SNTG2: variants seen among roughly 807,000 people sequenced by gnomAD.
The protein encoded by SNTG2 is syntrophin gamma 2.
In SNTG2, 74 loss-of-function variants were observed where a neutral mutation model predicts 70.9. That is an observed-to-expected ratio of 1.04 (90% CI 0.86 to 1.27). The LOEUF (loss-of-function observed/expected upper bound fraction) is 1.27. SNTG2 is among the 50% of genes most tolerant of loss of function. SNTG2 has a pLI of 0.00. For missense variants in SNTG2, 717 were observed against 690.7 expected, an observed-to-expected ratio of 1.04 and a Z score of -0.43; for synonymous variants, 278 against 273.8, an observed-to-expected ratio of 1.02 and a Z score of -0.15.
intron 1 of SNTG2, among the ~76,000 whole-genome samples, chr2:1,061,849 A>G (rs1417289829): frequency 6.6e-6 from 1 of 152,192 alleles, no homozygotes; most frequent in Non-Finnish European, 1.5e-5. Flanking sequence ...GGAATGGAGC[A>G]ATATAAAAAT....
chr2:1,233,093 G>T (rs371448963), intron 9 of SNTG2, among the ~76,000 whole-genome samples: 59 of 152,328 alleles, frequency 3.9e-4, no homozygotes, highest in African/African-American at 1.4e-3. Flanking sequence ...AATTTTGTAC[G>T]TTCCAATGTA....
chr2:1,288,625 G>T (rs1679864907), intron 14 of SNTG2, among the ~76,000 whole-genome samples: 1 of 149,474 alleles, frequency 6.7e-6, no homozygotes, highest in Non-Finnish European at 1.5e-5. Context: ...ACATACACAT[G>T]GGCACAGCAC....
intron 16 of SNTG2, among the ~76,000 whole-genome samples, chr2:1,356,459 T>C (rs1660858357): frequency 6.6e-6 from 1 of 152,238 alleles, no homozygotes; most frequent in Non-Finnish European, 1.5e-5. Flanking sequence ...CCCCACTGTA[T>C]AGCGTTAGCC....
intron 1 of SNTG2, among the ~76,000 whole-genome samples, chr2:1,025,441 T>A: frequency 6.6e-6 from 1 of 152,152 alleles, no homozygotes; most frequent in East Asian, 1.9e-4. Flanking sequence ...GGCTGCTGTT[T>A]TTTACTGCAG....
chr2:1,262,670 C>CCAGACGAGGCAACCCGAAGGCTCCGTG, intron 13 of SNTG2, among the ~76,000 whole-genome samples: 1 of 139,858 alleles, frequency 7.2e-6, no homozygotes, highest in East Asian at 2.0e-4. Context: ...AAGGCTCAGT[C>CCAGACGAGGCAACCCGAAGGCTCCGTG]CAGACGAGGC....
intron 1 of SNTG2, among the ~76,000 whole-genome samples, chr2:964,368 G>C (rs897016660): frequency 6.6e-6 from 1 of 152,180 alleles, no homozygotes; most frequent in Non-Finnish European, 1.5e-5. Flanking sequence ...CTTCGTGCCA[G>C]GGTTACTGAT....
At chr2:1,234,706 T>C (rs1026786609) in intron 9 of SNTG2, among the ~76,000 whole-genome samples, 58 of 152,298 alleles carry the variant, frequency 3.8e-4, no homozygotes, top group African/African-American at 1.2e-3. Flanking sequence ...GTGCATTCAC[T>C]GCCTCAGGGG....
chr2:1,211,460 G>A (rs778034493), intron 9 of SNTG2, among the ~76,000 whole-genome samples: 1 of 152,156 alleles, frequency 6.6e-6, no homozygotes, highest in Non-Finnish European at 1.5e-5. Context: ...TCTGAGGACA[G>A]GATAGGGTCT....
Position 1,197,529 on chromosome 2 carries a change from G to GTATGTATATATA in SNTG2, c.592-11573_592-11572insATGTATATATAT, listed in dbSNP as rs1317376391. On this transcript the variant is annotated intron_variant, in intron 8 of 16. Coordinates refer to ENST00000308624, the MANE Select transcript of SNTG2 (RefSeq NM_018968.4). ...TATGTATATATATGTGTGTGTGTGT[G>GTATGTATATATA]TGTGTGTGTGTGTGTGTGTGTATAT... 7.2e-3 allele frequency among the ~76,000 whole-genome samples: 731 copies of GTATGTATATATA among 102,124 alleles called. 48 individuals are homozygous for GTATGTATATATA. Among genetic ancestry groups the GTATGTATATATA allele is most frequent in the East Asian group, 0.019 (38 of 1,994 alleles). The allele number at this position is 102,124 out of a possible 152,430, so 67.0% of individuals were successfully genotyped here.
chr2:976,391 A>G (rs755419910), intron 1 of SNTG2, among the ~76,000 whole-genome samples: 1 of 152,156 alleles, frequency 6.6e-6, no homozygotes, highest in Non-Finnish European at 1.5e-5. Flanking sequence ...CTCTATGTGT[A>G]CATTGTCTTT....
chr2:1,279,094 G>A (rs560320777), intron 14 of SNTG2, among the ~76,000 whole-genome samples: 17 of 147,342 alleles, frequency 1.2e-4, no homozygotes, highest in Admixed American at 1.3e-4. Flanking sequence ...CTGTCAGTGC[G>A]CGAATCACCC....
At chr2:1,010,589 C>A (rs1240788500) in intron 1 of SNTG2, among the ~76,000 whole-genome samples, 1 of 152,230 alleles carries the variant, frequency 6.6e-6, no homozygotes, top group African/African-American at 2.4e-5. Flanking sequence ...GCTTGCAAAA[C>A]ACACATTGCA....
At chr2:1,124,982 AGGT>A (rs1667614888) in intron 4 of SNTG2, among the ~76,000 whole-genome samples, 1 of 152,152 alleles carries the variant, frequency 6.6e-6, no homozygotes, top group African/African-American at 2.4e-5. Context: ...ATGGGTAATC[AGGT>A]GAGATGATGG....
In SNTG2 at chr2:1,083,505, T is replaced by C; in HGVS notation, c.73-13T>C. On this transcript the variant is annotated splice_polypyrimidine_tract_variant and intron_variant, in intron 1 of 16. Transcript: ENST00000308624. ...TCACACCATTTTTTTGTGTTTCCAC[T>C]TTGTCCCTACAGACGAAAACCACTA... 6.2e-7 allele frequency: 1 copy of C among 1,613,406 alleles called. No individual in the cohort carries two copies. Among genetic ancestry groups the C allele is most frequent in the Non-Finnish European group, 8.5e-7 (1 of 1,179,442 alleles).
rs988851855 is a variant in SNTG2 at position 985,291 on chromosome 2, AT to A, written c.72+34234del. Among the ~76,000 whole-genome samples, 103 of 148,026 alleles carry A rather than the reference AT, an allele frequency of 7.0e-4. 1 individual carries two copies. The highest frequency in any genetic ancestry group is 1.9e-3 in the African/African-American group (78 of 40,546). On this transcript the variant is annotated intron_variant, in intron 1 of 16. Transcript: ENST00000308624. The stretch of plus-strand genomic sequence containing the variant: ...AGCCATTAAACAGAAAGACAAGTTG[AT>A]TTTTTTTTTTGGCAAATTTAGAAAC...
chr2:1,236,983 C>T (rs1676702391), intron 9 of SNTG2, among the ~76,000 whole-genome samples: 1 of 149,616 alleles, frequency 6.7e-6, no homozygotes, highest in African/African-American at 2.5e-5. Flanking sequence ...CACTCTGTTG[C>T]CCAGGCTGGA....
intron 6 of SNTG2, among the ~76,000 whole-genome samples, chr2:1,156,301 T>C (rs1287897314): frequency 6.6e-6 from 1 of 152,076 alleles, no homozygotes; most frequent in African/African-American, 2.4e-5. Context: ...AGGGCAGCTC[T>C]TTTGTTGGGG....
chr2:1,184,709 T>A lies in SNTG2; in HGVS notation c.591+11526T>A, dbSNP rs567980069. 1.8e-4 allele frequency among the ~76,000 whole-genome samples: 28 copies of A among 152,206 alleles called. No homozygotes were observed. The East Asian group carries it at 5.2e-3, about 28-fold the overall frequency. On this transcript the variant is annotated intron_variant, in intron 8 of 16. Transcript: ENST00000308624. ...CTATTATAAGAATAGCAAGAGAAAA[T>A]CTGCCCCCACGATTCAATCACCTCC...
intron 1 of SNTG2, among the ~76,000 whole-genome samples, chr2:1,075,310 C>T (rs1663846965): frequency 6.6e-6 from 1 of 152,292 alleles, no homozygotes; most frequent in Non-Finnish European, 1.5e-5. Flanking sequence ...TTGCAGCTAC[C>T]ACACATTGCA....
Sources: gnomAD v4.1 joint callset for allele counts (sites outside exome capture counted in the v4.1 genomes callset) on GRCh38, gnomAD v4.1.1 for gene constraint, MANE v1.5 for transcripts, NCBI Gene and HGNC (gene_info 2026-07-23, HGNC 2026-07-21) for gene names.